Variants in LINGO1 observed in about 807,000 individuals in gnomAD.
LINGO1 encodes leucine-rich repeat and immunoglobulin-like domain-containing nogo receptor-interacting protein 1.
Under a neutral mutation model 37.3 loss-of-function variants are expected in LINGO1, and 11 were observed. The ratio of observed to expected loss-of-function variants is 0.29; its 90% CI spans 0.19 to 0.49. LINGO1 has a LOEUF of 0.49. Among genes scored for constraint, LINGO1 ranks in the 20% least tolerant of loss-of-function variants. The pLI, the probability that LINGO1 is intolerant of heterozygous loss-of-function variation, is 0.99. For missense variants in LINGO1, 585 were observed against 878.2 expected (o/e 0.67, Z 4.22); for synonymous variants, 387 against 403.0 (o/e 0.96, Z 0.48).
chr15:77,666,455 C>A (rs763881797), intron 3 of LINGO1, among the ~76,000 whole-genome samples: 11 of 152,146 alleles, frequency 7.2e-5, no homozygotes, highest in African/African-American at 1.4e-4. Flanking sequence ...TGCTGATTAC[C>A]GTGAGCCGGC....
At chr15:77,655,488 C>G (rs922374819) in intron 3 of LINGO1, among the ~76,000 whole-genome samples, 1 of 152,178 alleles carries the variant, frequency 6.6e-6, no homozygotes, top group East Asian at 1.9e-4. Flanking sequence ...GGCACTCCTC[C>G]GAGATCAGTA....
At chr15:77,811,168 G>A (rs867915119) in intron 1 of LINGO1, among the ~76,000 whole-genome samples, 6 of 151,190 alleles carry the variant, frequency 4.0e-5, no homozygotes, top group African/African-American at 1.2e-4. Flanking sequence ...CAGGGTGGCC[G>A]GTGGGGGCAG....
chr15:77,802,271 C>A (rs1412353896), intron 1 of LINGO1, among the ~76,000 whole-genome samples: 1 of 151,174 alleles, frequency 6.6e-6, no homozygotes, highest in Non-Finnish European at 1.5e-5. Flanking sequence ...AATCTAGAAT[C>A]AGTGTGTGTG....
In LINGO1 at chr15:77,615,061, G is replaced by A. The variant is rs755551605; in HGVS notation, c.846C>T (p.Ala282=). ...AGCGGAGATAGACTAGGTGGCGGACGGCCAGGTAGGGCACAGCGGTCAGAT... is the reference window on the plus strand; with the variant it reads ...AGCGGAGATAGACTAGGTGGCGGACAGCCAGGTAGGGCACAGCGGTCAGAT... ...HCNLTAVPYL[A]VRHLVYLRFL... The change falls in exon 2 of 2, where the codon GCC becomes GCT. Residue 282 remains alanine (A), a synonymous_variant. Transcript: ENST00000355300. 2.0e-5 allele frequency: 33 copies of A among 1,613,888 alleles called. No individual in the cohort carries two copies. Among genetic ancestry groups the A allele is most frequent in the Non-Finnish European group, 2.5e-5 (30 of 1,179,906 alleles).
At chr15:77,636,546 G>GC (rs1473142255), upstream of LINGO1, among the ~76,000 whole-genome samples, 4 of 151,990 alleles carry the variant, frequency 2.6e-5, no homozygotes, top group African/African-American at 9.7e-5. Flanking sequence ...CAGCTGGGGG[G>GC]CCCTGTGGAG....
At chr15:77,650,902 T>G (rs1358645824) in intron 3 of LINGO1, among the ~76,000 whole-genome samples, 8 of 152,058 alleles carry the variant, frequency 5.3e-5, no homozygotes, top group Admixed American at 2.0e-4. Flanking sequence ...GTGTGGAGGC[T>G]TGGGTTTGGT....
At chr15:77,630,066 G>A (rs1264687286) in intron 1 of LINGO1, among the ~76,000 whole-genome samples, 4 of 152,026 alleles carry the variant, frequency 2.6e-5, no homozygotes, top group Non-Finnish European at 5.9e-5. Flanking sequence ...GGAGGTGGGT[G>A]GGGCTGGAAG....
chr15:77,705,205 A>ACACACACACACACACACACACACC (rs1555532644), intron 2 of LINGO1, among the ~76,000 whole-genome samples: 122 of 145,400 alleles, frequency 8.4e-4, no homozygotes, highest in African/African-American at 3.2e-3. Context: ...ACACACACAC[A>ACACACACACACACACACACACACC]CCAGTCCACT....
intron 1 of LINGO1, among the ~76,000 whole-genome samples, chr15:77,627,768 G>A (rs560412306): frequency 3.3e-5 from 5 of 152,302 alleles, no homozygotes; most frequent in Admixed American, 6.5e-5. Flanking sequence ...TAAACATGCA[G>A]GGACTTAAGC....
chr15:77,690,954 G>A (rs979874362), intron 1 of LINGO1: 16 of 152,268 alleles, frequency 1.1e-4, no homozygotes, highest in African/African-American at 3.9e-4. Context: ...GCGGCCTGAG[G>A]AGTACAGGAA....
At chr15:77,704,652 A>G (rs565037014) in intron 2 of LINGO1, among the ~76,000 whole-genome samples, 2 of 151,476 alleles carry the variant, frequency 1.3e-5, no homozygotes, top group South Asian at 4.2e-4. Context: ...CTGGGCCCTG[A>G]CCCTGGTCAG....
intron 2 of LINGO1, among the ~76,000 whole-genome samples, chr15:77,733,924 T>C (rs2076177672): frequency 6.6e-6 from 1 of 152,168 alleles, no homozygotes; most frequent in African/African-American, 2.4e-5. Context: ...GACTGTGTGT[T>C]TTCACATCTA....
chr15:77,749,709 A>G (rs1309877246), intron 1 of LINGO1, among the ~76,000 whole-genome samples: 1 of 152,172 alleles, frequency 6.6e-6, no homozygotes, highest in Non-Finnish European at 1.5e-5. Flanking sequence ...AACCCAACTC[A>G]GCCCTCCAGC....
At chr15:77,672,569 A>G (rs7176315) in intron 3 of LINGO1, among the ~76,000 whole-genome samples, 63,737 of 151,812 alleles carry the variant, frequency 0.42, 14,482 homozygotes, top group African/African-American at 0.6. Context: ...CTCACCTCTC[A>G]CTTCACTGAG....
chr15:77,772,908 T>C (rs945392202), intron 1 of LINGO1, among the ~76,000 whole-genome samples: 2 of 152,146 alleles, frequency 1.3e-5, no homozygotes, highest in South Asian at 2.1e-4. Flanking sequence ...CAGCTTCGGC[T>C]CTGGGGACTG....
chr15:77,668,792 T>TATACACAC (rs531686636), intron 3 of LINGO1, among the ~76,000 whole-genome samples: 1 of 134,818 alleles, frequency 7.4e-6, no homozygotes, highest in Non-Finnish European at 1.6e-5. Context: ...CACAGGGGAA[T>TATACACAC]ACACACACAC....
intron 2 of LINGO1, among the ~76,000 whole-genome samples, chr15:77,689,627 G>A (rs1253712219): frequency 2.6e-5 from 4 of 152,174 alleles, no homozygotes; most frequent in African/African-American, 9.6e-5. Context: ...AATTCTGTGT[G>A]TGAATTATGT....
intron 3 of LINGO1, among the ~76,000 whole-genome samples, chr15:77,675,496 TA>T (rs1018754905): frequency 1.3e-5 from 2 of 152,208 alleles, no homozygotes; most frequent in African/African-American, 4.8e-5. Context: ...ATGACATTGT[TA>T]GGTAAAAAAA....
At chr15:77,617,894 T>C (rs1002809383) in intron 1 of LINGO1, among the ~76,000 whole-genome samples, 5 of 152,218 alleles carry the variant, frequency 3.3e-5, no homozygotes, top group African/African-American at 1.2e-4. Flanking sequence ...GCAAGGGTTC[T>C]GTTATCCCCA....
Sources: allele counts gnomAD v4.1 joint callset (sites outside exome capture counted in the v4.1 genomes callset), GRCh38; gene constraint gnomAD v4.1.1; transcripts MANE v1.5; gene names NCBI Gene and HGNC (gene_info 2026-07-23, HGNC 2026-07-21).